The following COL4A6 variants were observed in gnomAD, a reference collection of about 807,000 sequenced individuals.
The protein encoded by COL4A6 is collagen type IV alpha 6 chain, also known as collagen alpha-6(IV) chain.
In COL4A6, 59 loss-of-function variants were observed where a neutral mutation model predicts 126.7. That is an observed-to-expected ratio of 0.47 (90% confidence interval 0.38 to 0.58). COL4A6 has a LOEUF of 0.58. Ranked by LOEUF, COL4A6 falls within the 20% of genes least tolerant of loss-of-function variation. The probability of loss-of-function intolerance (pLI) is 0.00; values close to 1 mark genes in which losing one functional copy is unlikely to be tolerated. For synonymous variants in COL4A6, 547 were observed against 496.6 expected (o/e 1.10, Z -1.35); for missense variants, 1,285 against 1,337.3 (o/e 0.96, Z 0.61).
At chrX:108,429,780 CA>C (rs1463233021) in intron 2 of COL4A6, among the ~76,000 whole-genome samples, 3 of 112,087 alleles carry the variant, frequency 2.7e-5, no homozygotes, top group Non-Finnish European at 5.6e-5. Flanking sequence ...AACATTTAGA[CA>C]AAAGTCTGAT....
chrX:108,429,986 T>C (rs2064151186), intron 2 of COL4A6, among the ~76,000 whole-genome samples: 1 of 111,914 alleles, frequency 8.9e-6, no homozygotes, highest in African/African-American at 3.2e-5. Context: ...GGCAGTATCC[T>C]GGACATCCTA....
chrX:108,405,815 C>A (rs2041194875), intron 2 of COL4A6, among the ~76,000 whole-genome samples: 1 of 111,533 alleles, frequency 9.0e-6, no homozygotes, highest in African/African-American at 3.3e-5. Context: ...ACATCCAAAG[C>A]TGATGTCAAG....
intron 3 of COL4A6, among the ~76,000 whole-genome samples, chrX:108,290,328 C>T (rs1330414328): frequency 8.9e-6 from 1 of 112,160 alleles, no homozygotes; most frequent in Non-Finnish European, 1.9e-5. Context: ...GACAAATGGC[C>T]TTGTCACTTG....
Position 108,354,942 on chromosome X carries a change from C to T in COL4A6, c.64-44114G>A, listed in dbSNP as rs1226247563. 6.3e-5 allele frequency among the ~76,000 whole-genome samples: 7 copies of T among 110,898 alleles called. No homozygotes were observed. The East Asian group carries it at 1.4e-3, about 22-fold the overall frequency. ...TAAGTCATAACTCTTGACAACCCTA[C>T]GTAAGTTGTCTCTTTTCTTTCCACA... On this transcript the variant is annotated intron_variant, in intron 2 of 44. Transcript: ENST00000334504.
intron 3 of COL4A6, among the ~76,000 whole-genome samples, 199 bp downstream of exon 3, chrX:108,310,549 C>T (rs1215035454): frequency 2.7e-5 from 3 of 112,189 alleles, no homozygotes; most frequent in Non-Finnish European, 5.6e-5. Flanking sequence ...TGAAGGAAAC[C>T]TCTTCTTGGT....
At chrX:108,234,141 C>A (rs748060287) in intron 3 of COL4A6, among the ~76,000 whole-genome samples, 25 of 111,713 alleles carry the variant, frequency 2.2e-4, no homozygotes, top group African/African-American at 7.8e-4. Flanking sequence ...ATGTATGACT[C>A]CATCTAATGC....
intron 14 of COL4A6, 29 bp downstream of exon 14, chrX:108,196,482 C>T: frequency 1.7e-6 from 2 of 1,178,574 alleles, no homozygotes; most frequent in Non-Finnish European, 2.3e-6. Flanking sequence ...ACTTGACAGA[C>T]CCAGGCAAGT....
At chrX:108,344,004 T>C (rs765027669) in intron 2 of COL4A6, among the ~76,000 whole-genome samples, 4 of 111,215 alleles carry the variant, frequency 3.6e-5, no homozygotes, top group South Asian at 3.8e-4. Context: ...TGTTTTTTTT[T>C]CCATGAATGT....
At chrX:108,364,701 C>T (rs2040159687) in intron 2 of COL4A6, among the ~76,000 whole-genome samples, 1 of 111,824 alleles carries the variant, frequency 8.9e-6, no homozygotes, top group African/African-American at 3.3e-5. Context: ...AGTTGTTTCA[C>T]TCGGGATAAT....
At chrX:108,376,196 A>T (rs1025887515) in intron 2 of COL4A6, among the ~76,000 whole-genome samples, 1 of 111,464 alleles carries the variant, frequency 9.0e-6, no homozygotes, top group Non-Finnish European at 1.9e-5. Flanking sequence ...GAGGGCTTTT[A>T]TTGTTCTACT....
chrX:108,281,732 C>T (rs959744802), intron 3 of COL4A6, among the ~76,000 whole-genome samples: 2 of 110,532 alleles, frequency 1.8e-5, no homozygotes, highest in African/African-American at 6.6e-5. Flanking sequence ...ATCACGCTAC[C>T]TGACTTCAAA....
intron 3 of COL4A6, among the ~76,000 whole-genome samples, chrX:108,297,552 G>A (rs2038358990): frequency 9.0e-6 from 1 of 110,702 alleles, no homozygotes; most frequent in Non-Finnish European, 1.9e-5. Context: ...TCCCTGGGGG[G>A]CAATATGGTT....
At chrX:108,357,830 C>G (rs1370135998) in intron 2 of COL4A6, among the ~76,000 whole-genome samples, 2 of 110,955 alleles carry the variant, frequency 1.8e-5, no homozygotes, top group African/African-American at 6.6e-5. Flanking sequence ...CTAGCAGTTA[C>G]GTATATGTTG....
At chrX:108,160,373 G>A in intron 43 of COL4A6, 90 bp downstream of exon 43, 1 of 906,313 alleles carries the variant, frequency 1.1e-6, no homozygotes, top group Admixed American at 2.9e-5. Flanking sequence ...CACAACAGTG[G>A]ACCTAGAAAG....
chrX:108,168,626 T>C (rs1247502454), intron 37 of COL4A6, among the ~76,000 whole-genome samples: 1 of 112,233 alleles, frequency 8.9e-6, no homozygotes, highest in Non-Finnish European at 1.9e-5. Context: ...TCGTTCCTCA[T>C]TGATTCCTCA....
At chrX:108,268,276 C>G in intron 3 of COL4A6, 1 of 112,336 alleles carries the variant, frequency 8.9e-6, no homozygotes, top group African/African-American at 3.2e-5. Flanking sequence ...CTATTGTAAT[C>G]AATTCTTTCT....
chrX:108,324,665 T>C (rs1471224768), intron 2 of COL4A6, among the ~76,000 whole-genome samples: 4 of 112,365 alleles, frequency 3.6e-5, no homozygotes, highest in Non-Finnish European at 7.5e-5. Context: ...TATTTGTTAT[T>C]TATCTGTGAT....
intron 3 of COL4A6, among the ~76,000 whole-genome samples, chrX:108,288,641 A>T (rs773340694): frequency 9.0e-6 from 1 of 111,150 alleles, no homozygotes; most frequent in South Asian, 3.8e-4. Flanking sequence ...GCTTATTTTT[A>T]AATAAATCTC....
At chrX:108,276,519 C>T (rs1295204329) in intron 3 of COL4A6, among the ~76,000 whole-genome samples, 1 of 112,435 alleles carries the variant, frequency 8.9e-6, no homozygotes, top group East Asian at 2.8e-4. Context: ...AGATACTTTG[C>T]ATGTGTGATC....
Sources: gnomAD v4.1 joint callset for allele counts (sites outside exome capture counted in the v4.1 genomes callset) on GRCh38, gnomAD v4.1.1 for gene constraint, MANE v1.5 for transcripts, NCBI Gene and HGNC (gene_info 2026-07-23, HGNC 2026-07-21) for gene names.